Variants in CSMD3 observed in about 807,000 individuals in gnomAD.
CSMD3 encodes the protein CUB and sushi domain-containing protein 3.
In CSMD3, 177 loss-of-function variants were observed where a neutral mutation model predicts 435.2. The ratio of observed to expected loss-of-function variants is 0.41; its 90% CI spans 0.36 to 0.46. CSMD3 has a LOEUF of 0.46. CSMD3 is among the 20% of genes least tolerant of loss of function. The pLI, the probability that CSMD3 is intolerant of heterozygous loss-of-function variation, is 0.34. For synonymous variants in CSMD3, 1,656 were observed against 1,520.5 expected, an observed-to-expected ratio of 1.09 and a Z score of -2.07; for missense variants, 4,265 against 4,504.6, an observed-to-expected ratio of 0.95 and a Z score of 1.52.
chr8:112,912,283 G>A (rs939497310), intron 10 of CSMD3, among the ~76,000 whole-genome samples: 8 of 151,002 alleles, frequency 5.3e-5, no homozygotes, highest in African/African-American at 7.3e-5. Flanking sequence ...ATCTAGTAGC[G>A]GGATTGCTGG....
At chr8:112,837,842 G>A (rs866911660) in intron 11 of CSMD3, among the ~76,000 whole-genome samples, 26 of 151,558 alleles carry the variant, frequency 1.7e-4, no homozygotes, top group Admixed American at 1.5e-3. Context: ...TTTGCTCCCC[G>A]GTGTGGAAAT....
At chr8:112,873,290 CCT>C (rs1327075817) in intron 10 of CSMD3, among the ~76,000 whole-genome samples, 3 of 151,878 alleles carry the variant, frequency 2.0e-5, no homozygotes, top group Non-Finnish European at 4.4e-5. Context: ...AGATTTTAGA[CCT>C]CCCCAAAATT....
At chr8:113,167,952 A>G (rs1232415174) in intron 4 of CSMD3, among the ~76,000 whole-genome samples, 1 of 152,190 alleles carries the variant, frequency 6.6e-6, no homozygotes, top group African/African-American at 2.4e-5. Context: ...GTGCTAAAAC[A>G]TTTTCTGAAA....
At chr8:112,979,975 A>C (rs563083808) in intron 6 of CSMD3, among the ~76,000 whole-genome samples, 2 of 151,260 alleles carry the variant, frequency 1.3e-5, no homozygotes, top group East Asian at 3.9e-4. Flanking sequence ...ACTATATGTC[A>C]TCTATGAAAT....
At chr8:112,352,634 A>T in intron 38 of CSMD3, 100 bp from the exon 39 acceptor site, 1 of 1,009,456 alleles carries the variant, frequency 9.9e-7, no homozygotes, top group Non-Finnish European at 1.6e-6. Context: ...TGTCTCATCA[A>T]ACTAGATACT....
At chr8:112,721,823 G>A (rs959977263) in intron 13 of CSMD3, among the ~76,000 whole-genome samples, 7 of 152,220 alleles carry the variant, frequency 4.6e-5, no homozygotes, top group African/African-American at 1.7e-4. Flanking sequence ...TTGAAGGGAT[G>A]ATATTAATAT....
At chr8:113,358,354 T>A (rs897874728) in intron 1 of CSMD3, among the ~76,000 whole-genome samples, 1 of 152,110 alleles carries the variant, frequency 6.6e-6, no homozygotes, top group African/African-American at 2.4e-5. Context: ...TTTTTAAAAA[T>A]AGGAAACTTT....
chr8:112,832,773 A>G (rs1270457492), intron 11 of CSMD3, among the ~76,000 whole-genome samples: 1 of 152,150 alleles, frequency 6.6e-6, no homozygotes, highest in Non-Finnish European at 1.5e-5. Context: ...TCCTGTGGAA[A>G]CTGTGAGATA....
At chr8:112,514,572 A>T (rs1190212068) in intron 28 of CSMD3, among the ~76,000 whole-genome samples, 1 of 152,084 alleles carries the variant, frequency 6.6e-6, no homozygotes, top group Admixed American at 6.6e-5. Flanking sequence ...CACTCACATT[A>T]ATGTCTTTCC....
intron 1 of CSMD3, among the ~76,000 whole-genome samples, chr8:113,369,752 A>G (rs72670792): frequency 5.1e-4 from 77 of 152,084 alleles, no homozygotes; most frequent in Admixed American, 9.2e-4. Flanking sequence ...CCTATCATTT[A>G]CAACAACATA....
At chr8:112,727,757 G>T (rs1413025842) in intron 13 of CSMD3, among the ~76,000 whole-genome samples, 2 of 151,628 alleles carry the variant, frequency 1.3e-5, no homozygotes, top group Non-Finnish European at 3.0e-5. Flanking sequence ...TTTACAATAA[G>T]TATATTTTAC....
chr8:113,344,134 A>C (rs2132864034), intron 1 of CSMD3, among the ~76,000 whole-genome samples: 1 of 152,272 alleles, frequency 6.6e-6, no homozygotes. Context: ...AAAGAAAGTT[A>C]TGAACAAAAC....
chr8:112,541,118 C>T (rs1165268880), intron 27 of CSMD3, among the ~76,000 whole-genome samples: 2 of 151,562 alleles, frequency 1.3e-5, no homozygotes, highest in Non-Finnish European at 3.0e-5. Flanking sequence ...TGCCAAAATG[C>T]ATGGGAAACA....
intron 12 of CSMD3, among the ~76,000 whole-genome samples, chr8:112,807,271 T>C (rs1327429655): frequency 1.3e-5 from 2 of 152,160 alleles, no homozygotes; most frequent in Non-Finnish European, 1.5e-5. Context: ...TCATGTTAAT[T>C]TCCATTACAT....
intron 35 of CSMD3, among the ~76,000 whole-genome samples, chr8:112,396,728 G>A (rs1830890878): frequency 6.6e-6 from 1 of 152,088 alleles, no homozygotes; most frequent in Non-Finnish European, 1.5e-5. Flanking sequence ...AACCAATATA[G>A]TGACAATGGA....
intron 45 of CSMD3, among the ~76,000 whole-genome samples, chr8:112,331,730 C>G (rs1824079537): frequency 6.6e-6 from 1 of 151,816 alleles, no homozygotes; most frequent in Non-Finnish European, 1.5e-5. Flanking sequence ...CAAGGTATAT[C>G]AGAAGTAACT....
intron 54 of CSMD3, among the ~76,000 whole-genome samples, chr8:112,294,170 T>C (rs1016714033): frequency 6.6e-6 from 1 of 152,074 alleles, no homozygotes; most frequent in Admixed American, 6.6e-5. Flanking sequence ...TGAAACTAGA[T>C]GTTCTATTAT....
At chr8:113,020,843 T>C (rs1048317781) in intron 5 of CSMD3, among the ~76,000 whole-genome samples, 4 of 152,138 alleles carry the variant, frequency 2.6e-5, no homozygotes, top group African/African-American at 4.8e-5. Flanking sequence ...AAATCTGTCA[T>C]TGTATATGTA....
At chr8:113,323,319 G>A (rs2132718394) in intron 1 of CSMD3, among the ~76,000 whole-genome samples, 1 of 152,090 alleles carries the variant, frequency 6.6e-6, no homozygotes, top group East Asian at 1.9e-4. Context: ...TAGATAAACA[G>A]TAAAATAAAA....
Sources: allele counts gnomAD v4.1 joint callset (sites outside exome capture counted in the v4.1 genomes callset), GRCh38; gene constraint gnomAD v4.1.1; transcripts MANE v1.5; gene names NCBI Gene and HGNC (gene_info 2026-07-23, HGNC 2026-07-21).